PCDHGA12: variants seen among roughly 807,000 people sequenced by gnomAD.
The protein encoded by PCDHGA12 is protocadherin gamma-A12.
A neutral mutation model predicts 61.1 loss-of-function variants in PCDHGA12; 43 were observed. The observed-to-expected ratio is 0.70, with a 90% CI of 0.55 to 0.91. The LOEUF is 0.91. PCDHGA12 is among the 40% of genes least tolerant of loss of function. The pLI is 0.00. For missense variants in PCDHGA12, 1,236 were observed against 1,227.7 expected (o/e 1.01, Z -0.10); for synonymous variants, 520 against 542.9 (o/e 0.96, Z 0.59).
In PCDHGA12 at chr5:141,486,270, G is replaced by A. The variant is rs1052584402; in HGVS notation, c.2425-8537G>A. 2 of 1,614,062 alleles carry A rather than the reference G, an allele frequency of 1.2e-6. No homozygotes were observed. Reference sequence around the variant, plus strand: ...ACCCTCCCCGAGAGTGCAGAACCTGGCACTGTGGTGGCACTTATCAGTGTG... The same window carrying A: ...ACCCTCCCCGAGAGTGCAGAACCTGACACTGTGGTGGCACTTATCAGTGTG... On this transcript the variant is annotated intron_variant, in intron 1 of 3. Coordinates refer to ENST00000252085, the MANE Select transcript of PCDHGA12 (RefSeq NM_003735.3). This position sits in a 1 kb window ranked among gnomAD's most constrained non-coding sequence, Gnocchi z 5.0.
intron 1 of PCDHGA12, among the ~76,000 whole-genome samples, chr5:141,433,397 A>ATCTC (rs1179042498): frequency 6.6e-6 from 1 of 150,410 alleles, no homozygotes; most frequent in African/African-American, 2.5e-5. Flanking sequence ...CTATCTATCT[A>ATCTC]TCTATCTATT....
Position 141,432,433 on chromosome 5 carries a change from T to C in PCDHGA12, c.1674T>C (p.Asn558=), listed in dbSNP as rs760107558. 10 of 1,613,996 alleles carry C rather than the reference T, an allele frequency of 6.2e-6. No individual in the cohort carries two copies. The South Asian group carries it at 8.8e-5, about 14-fold the overall frequency. ...TGTTCGTGCTGGACCAGAACGACAA[T>C]GCGCCCGAGATCCTGTACCCCGCCC... ...LSLFVLDQND[N]APEILYPALP... Residue 558 remains asparagine (N), a synonymous_variant, in exon 1 of 4, where the codon AAT becomes AAC. Transcript: ENST00000252085. This position sits in a 1 kb window ranked among gnomAD's most constrained non-coding sequence, Gnocchi z 6.0.
intron 2 of PCDHGA12, among the ~76,000 whole-genome samples, chr5:141,497,219 A>G (rs974609491): frequency 6.7e-6 from 1 of 149,602 alleles, no homozygotes; most frequent in South Asian, 2.1e-4. Context: ...TGGGGGGGGG[A>G]AGATCAGAGA....
rs994009107 is a variant in PCDHGA12 at position 141,490,364 on chromosome 5, G to A, written c.2425-4443G>A. ...ACAGTAGTGGGGTTGTTTAATGTGC[G>A]AGACCGGGACTCAGGTAGAAATGGT... On this transcript the variant is annotated intron_variant, in intron 1 of 3. Transcript: ENST00000252085. The surrounding 1 kb of genome is among the most constrained non-coding windows in gnomAD (Gnocchi z 5.4). 7 of 1,614,056 alleles carry A rather than the reference G, an allele frequency of 4.3e-6. No individual in the cohort carries two copies. In the African/African-American group the frequency reaches 5.3e-5, roughly 12 times the overall value.
intron 3 of PCDHGA12, among the ~76,000 whole-genome samples, chr5:141,509,069 G>A (rs1463164307): frequency 2.6e-5 from 4 of 152,174 alleles, no homozygotes; most frequent in African/African-American, 9.7e-5. Context: ...CTCAGCTCCG[G>A]GGATTTGCGA....
At position 141,487,641 on chromosome 5, in the gene PCDHGA12, T is replaced by C. The variant is rs1343702532; in HGVS notation, c.2425-7166T>C. The stretch of plus-strand genomic sequence containing the variant: ...GTGAGACCTTTGCAGGCTCAACAAA[T>C]GCTTGAGGGTTATTCTGATCCAGGC... On this transcript the variant is annotated intron_variant, in intron 1 of 3. Coordinates refer to ENST00000252085, the MANE Select transcript of PCDHGA12 (RefSeq NM_003735.3). The surrounding 1 kb of genome is among the most constrained non-coding windows in gnomAD (Gnocchi z 5.0). The C allele has an allele frequency of 6.2e-7, 1 of 1,614,122 alleles. No individual in the cohort carries two copies. Among genetic ancestry groups the C allele is most frequent in the Non-Finnish European group, 8.5e-7 (1 of 1,179,998 alleles).
chr5:141,439,066 G>A (rs1004595196), intron 1 of PCDHGA12, among the ~76,000 whole-genome samples: 2 of 151,258 alleles, frequency 1.3e-5, no homozygotes, highest in African/African-American at 2.4e-5. Context: ...TGTGGCAGGC[G>A]CCTGTAATCC....
In PCDHGA12 at chr5:141,490,023, G is replaced by A. The variant is rs1306715385; in HGVS notation, c.2425-4784G>A. The A allele has an allele frequency of 1.2e-6, 2 of 1,614,134 alleles. No homozygotes were observed. Among genetic ancestry groups the A allele is most frequent in the Non-Finnish European group, 1.7e-6 (2 of 1,180,060 alleles). On this transcript the variant is annotated intron_variant, in intron 1 of 3. Transcript: ENST00000252085. This position sits in a 1 kb window ranked among gnomAD's most constrained non-coding sequence, Gnocchi z 5.4. ...AGAATGCACCCATTGGTACTCTGCT[G>A]CTCCGCCTCAATGCCACTGATCCAG... is the stretch of plus-strand genomic sequence containing the variant.
chr5:141,482,661 T>G (rs1215403061), intron 1 of PCDHGA12, among the ~76,000 whole-genome samples: 1 of 151,742 alleles, frequency 6.6e-6, no homozygotes, highest in Non-Finnish European at 1.5e-5. Flanking sequence ...TGAGCTATGA[T>G]CTAAAGGTTG....
In PCDHGA12 at chr5:141,491,272, A is replaced by G. The variant is rs2099710110; in HGVS notation, c.2425-3535A>G. On this transcript the variant is annotated intron_variant, in intron 1 of 3. Transcript: ENST00000252085. The surrounding 1 kb of genome is among the most constrained non-coding windows in gnomAD (Gnocchi z 6.9). The stretch of plus-strand genomic sequence containing the variant: ...GGACCCTGAGGAAATGCCCAAATCC[A>G]GTGACTTCCTCATACACCCTCCTGA... The G allele has an allele frequency of 1.2e-6, 2 of 1,614,084 alleles. No homozygotes were observed. Among genetic ancestry groups the G allele is most frequent in the Non-Finnish European group, 1.7e-6 (2 of 1,179,928 alleles).
rs558944208 is a variant in PCDHGA12, at chr5:141,478,187, A to G, written c.2425-16620A>G. On this transcript the variant is annotated intron_variant, in intron 1 of 3. Coordinates refer to ENST00000252085, the MANE Select transcript of PCDHGA12 (RefSeq NM_003735.3). ...CCCCCGGGAGCAGAAAAAAAATCTC[A>G]CCTTTTATCTACTTCTTTCTCTAAT... is the stretch of plus-strand genomic sequence containing the variant. The G allele has an allele frequency of 2.9e-5, 46 of 1,613,548 alleles. No individual in the cohort carries two copies. The highest frequency in any genetic ancestry group is 3.9e-5 in the Non-Finnish European group (46 of 1,179,954).
chr5:141,457,301 CCAAA>C (rs1163780799), intron 1 of PCDHGA12, among the ~76,000 whole-genome samples: 1 of 152,090 alleles, frequency 6.6e-6, no homozygotes, highest in Non-Finnish European at 1.5e-5. Context: ...TTTTATTTTC[CCAAA>C]CAAAGAAACC....
intron 1 of PCDHGA12, among the ~76,000 whole-genome samples, chr5:141,453,322 G>A (rs897661534): frequency 6.6e-6 from 1 of 151,544 alleles, no homozygotes; most frequent in Non-Finnish European, 1.5e-5. Flanking sequence ...TTTTAGAGAT[G>A]GGGTCTCACT....
intron 1 of PCDHGA12, among the ~76,000 whole-genome samples, chr5:141,447,463 C>T (rs1004772636): frequency 6.6e-6 from 1 of 152,142 alleles, no homozygotes; most frequent in African/African-American, 2.4e-5. Context: ...AGTTTTTCTT[C>T]ACCATCTGTA....
chr5:141,494,468 C>G (rs2099754577), intron 1 of PCDHGA12, among the ~76,000 whole-genome samples: 1 of 152,136 alleles, frequency 6.6e-6, no homozygotes, highest in East Asian at 1.9e-4. Context: ...TGCACCTCTT[C>G]CCCCAGTTCC....
chr5:141,441,150 T>C (rs1421773650), intron 1 of PCDHGA12: 4 of 152,122 alleles, frequency 2.6e-5, no homozygotes, highest in African/African-American at 7.2e-5. Context: ...ATAATGACAA[T>C]ATCCTAGAGG....
intron 1 of PCDHGA12, among the ~76,000 whole-genome samples, chr5:141,482,141 A>C (rs1302783884): frequency 6.6e-6 from 1 of 152,116 alleles, no homozygotes; most frequent in African/African-American, 2.4e-5. Flanking sequence ...GCTGGCATAA[A>C]AAGGTCAAGT....
chr5:141,443,443 G>A (rs2098388456), intron 1 of PCDHGA12, among the ~76,000 whole-genome samples: 1 of 152,124 alleles, frequency 6.6e-6, no homozygotes, highest in African/African-American at 2.4e-5. Flanking sequence ...CTGTGGTTGC[G>A]CTCCTGTACT....
intron 1 of PCDHGA12, among the ~76,000 whole-genome samples, chr5:141,448,086 TAA>T (rs558292628): frequency 6.8e-6 from 1 of 146,354 alleles, no homozygotes; most frequent in Middle Eastern, 3.2e-3. Flanking sequence ...AATGCCATCT[TAA>T]AAAAAAAAAA....
Sources: gnomAD v4.1 joint callset for allele counts (sites outside exome capture counted in the v4.1 genomes callset) on GRCh38, gnomAD v4.1.1 for gene constraint, Gnocchi (gnomAD v3.1) non-coding constraint, MANE v1.5 for transcripts, NCBI Gene and HGNC (gene_info 2026-07-23, HGNC 2026-07-21) for gene names.